DNAAF5: variants seen among roughly 807,000 people sequenced by gnomAD.
The protein encoded by DNAAF5 is dynein axonemal assembly factor 5.
Under a neutral mutation model 75.8 loss-of-function variants are expected in DNAAF5, and 64 were observed. The ratio of observed to expected loss-of-function variants is 0.84; its 90% CI spans 0.69 to 1.04. The LOEUF (loss-of-function observed/expected upper bound fraction) is 1.04. Ranked by LOEUF, DNAAF5 falls within the 50% of genes least tolerant of loss-of-function variation. The pLI is 0.00. For missense variants in DNAAF5, 1,269 were observed against 1,178.5 expected, an observed-to-expected ratio of 1.08 and a Z score of -1.12; for synonymous variants, 657 against 557.2, an observed-to-expected ratio of 1.18 and a Z score of -2.52.
At position 769,016 on chromosome 7, in the gene DNAAF5, G is replaced by A; in HGVS notation, c.1784-1455G>A. On this transcript the variant is annotated intron_variant, in intron 8 of 12. Coordinates refer to ENST00000297440, the MANE Select transcript of DNAAF5 (RefSeq NM_017802.4). ...GCAACGCCTCCTGCCCGGCTGCGTG[G>A]GGAGGCCCTCCAAGACACCAGCTGG... is the stretch of plus-strand genomic sequence containing the variant. The A allele has an allele frequency of 8.1e-6, 5 of 613,578 alleles. No homozygotes were observed. The South Asian group carries it at 9.2e-5, about 11-fold the overall frequency. 38.0% of individuals were successfully genotyped at this position (613,578 alleles called of 1,614,324 possible). A position where few individuals can be genotyped will look rare whatever the true frequency, so the allele number is the denominator to read the frequency against.
In DNAAF5 at chr7:780,236, G is replaced by A. The variant is rs1269975733; in HGVS notation, c.2431+92G>A. The A allele has an allele frequency of 1.2e-5, 15 of 1,243,444 alleles. No individual in the cohort carries two copies. The Admixed American group carries it at 2.1e-4, about 18-fold the overall frequency. The allele number at this position is 1,243,444 out of a possible 1,614,324, so 77.0% of individuals were successfully genotyped here. ...GCTGAGCCGTGTGACCGGCCACAGG[G>A]CCCTGGGGCACAGGAGGGGCCTCAG... On this transcript the variant is annotated intron_variant, in intron 12 of 12. Coordinates refer to ENST00000297440, the MANE Select transcript of DNAAF5 (RefSeq NM_017802.4).
chr7:750,645 C>T (rs2128076726), intron 4 of DNAAF5, among the ~76,000 whole-genome samples: 1 of 152,304 alleles, frequency 6.6e-6, no homozygotes. Context: ...GGCGGTCACA[C>T]TCCTTCACCA....
chr7:755,345 C>T (rs750262855), intron 5 of DNAAF5, among the ~76,000 whole-genome samples: 1 of 152,146 alleles, frequency 6.6e-6, no homozygotes, highest in African/African-American at 2.4e-5. Flanking sequence ...TGGGTACGCA[C>T]GAGGGAGTCC....
rs766203309 is a variant in DNAAF5 at position 770,615 on chromosome 7, A to C, written c.1928A>C (p.Gln643Pro). 1.2e-6 allele frequency: 2 copies of C among 1,613,356 alleles called. No individual in the cohort carries two copies. The highest frequency in any genetic ancestry group is 1.7e-6 in the Non-Finnish European group (2 of 1,179,876). ...LLRATDTINS[Q>P]GQFPSYLETV... ...AGAGCCACGGACACCATCAACTCCC[A>C]GGGGTAGGTCCGGGCTCTGCCTCTG... The change falls in exon 9 of 13, where the codon CAG becomes CCG. Residue 643 changes from glutamine (Q) to proline (P), a missense_variant. Coordinates refer to ENST00000297440, the MANE Select transcript of DNAAF5 (RefSeq NM_017802.4).
chr7:783,227 G>T (rs1404933692), intron 12 of DNAAF5, among the ~76,000 whole-genome samples: 5 of 152,362 alleles, frequency 3.3e-5, no homozygotes, highest in Non-Finnish European at 1.5e-5. Context: ...CCTGGGAAAA[G>T]CAGCTCTGCT....
chr7:744,540 A>G (rs1782022398), intron 4 of DNAAF5, among the ~76,000 whole-genome samples: 1 of 152,110 alleles, frequency 6.6e-6, no homozygotes, highest in South Asian at 2.1e-4. Context: ...GCAGCCAAAA[A>G]ACACATGAAA....
intron 12 of DNAAF5, among the ~76,000 whole-genome samples, chr7:782,502 G>A (rs112749632): frequency 7.2e-5 from 3 of 41,760 alleles, no homozygotes; most frequent in Non-Finnish European, 1.4e-4. Context: ...GCGTGGCCGC[G>A]TCCCGTCACG....
In DNAAF5 at chr7:761,859, T is replaced by C. The variant is rs148789235; in HGVS notation, c.1577T>C (p.Ile526Thr). The C allele has an allele frequency of 2.5e-6, 4 of 1,591,228 alleles. No homozygotes were observed. The highest frequency in any genetic ancestry group is 2.7e-5 in the African/African-American group (2 of 74,300). ...SLQLLDVLLTIVALAGATGLR... is the reference protein window; with the variant it reads ...SLQLLDVLLTTVALAGATGLR... ...CAGCTCTTGGACGTGCTGCTGACAA[T>C]AGTGGCCCTCGCAGGTGCTACCGGC... Residue 526 changes from isoleucine to threonine, a missense_variant, in exon 7 of 13, where the codon ATA (isoleucine) becomes ACA (threonine). Transcript: ENST00000297440.
rs559121364 is a variant in DNAAF5, at chr7:736,574, A to C, written c.781-4245A>C. ...GGAATATCTTTTTTCGCATCCCTTT[A>C]TTTTCAGCCTACGTGTGCCTTTTTA... On this transcript the variant is annotated intron_variant, in intron 2 of 12. Transcript: ENST00000297440. Among the ~76,000 whole-genome samples the C allele has an allele frequency of 2.6e-5, 4 of 151,622 alleles. No individual in the cohort carries two copies. In the South Asian group the frequency reaches 8.4e-4, roughly 32 times the overall value.
In DNAAF5 at chr7:726,812, T is replaced by C. The variant is rs1245538197; in HGVS notation, c.92T>C (p.Leu31Pro). The change falls in exon 1 of 13, where the codon CTG (leucine) becomes CCG (proline). Residue 31 changes from leucine to proline, a missense_variant. Physicochemically the swap from Leu to Pro is moderately conservative, Grantham distance 98. Coordinates refer to ENST00000297440, the MANE Select transcript of DNAAF5 (RefSeq NM_017802.4). ...GAGGCGGTGGAGCTGAGCCGCGCCC[T>C]GAGCCGCCTGCTGCCGGGGCTGGAG... is the stretch of plus-strand genomic sequence containing the variant. The part of the protein sequence containing the change: ...TAEAVELSRA[L>P]SRLLPGLEAD... The C allele has an allele frequency of 7.6e-7, 1 of 1,322,382 alleles. No homozygotes were observed. Among genetic ancestry groups the C allele is most frequent in the Non-Finnish European group, 9.6e-7 (1 of 1,039,456 alleles). 81.9% of individuals were successfully genotyped at this position (1,322,382 alleles called of 1,614,324 possible). A position where few individuals can be genotyped will look rare whatever the true frequency, so the allele number is the denominator to read the frequency against.
rs970383883 is a variant in DNAAF5 at position 770,631 on chromosome 7, T to C, written c.1931+13T>C. ...TCAACTCCCAGGGGTAGGTCCGGGC[T>C]CTGCCTCTGCACGGCCCCCAGCTGG... On this transcript the variant is annotated intron_variant, in intron 9 of 12. Coordinates refer to ENST00000297440, the MANE Select transcript of DNAAF5 (RefSeq NM_017802.4). The C allele has an allele frequency of 6.2e-7, 1 of 1,611,212 alleles. No individual in the cohort carries two copies. The highest frequency in any genetic ancestry group is 8.5e-7 in the Non-Finnish European group (1 of 1,178,886).
At chr7:747,560 A>G (rs1375810553) in intron 4 of DNAAF5, among the ~76,000 whole-genome samples, 183 of 93,960 alleles carry the variant, frequency 1.9e-3, no homozygotes, top group East Asian at 3.4e-3. Context: ...TTTTTAGTGT[A>G]TCCAGCTGGT....
In DNAAF5 at chr7:754,932, TCACCCCCGGGCCGCAGGCCCTCCCCA is replaced by T. The variant is rs1046641804; in HGVS notation, c.1257+117_1257+142del. The T allele has an allele frequency of 4.9e-5, 40 of 817,230 alleles. No individual in the cohort carries two copies. Among genetic ancestry groups the T allele is most frequent in the Non-Finnish European group, 6.8e-5 (36 of 530,206 alleles). The allele number at this position is 817,230 out of a possible 1,614,324, so 50.6% of individuals were successfully genotyped here. A position where few individuals can be genotyped will look rare whatever the true frequency, so the allele number is the denominator to read the frequency against. ...TACTGTAGCCAAGACAGCGTTCCCC[TCACCCCCGGGCCGCAGGCCCTCCCCA>T]CACCCAGCCCCTGGGAACAACTGAT... On this transcript the variant is annotated intron_variant, in intron 5 of 12. Coordinates refer to ENST00000297440, the MANE Select transcript of DNAAF5 (RefSeq NM_017802.4). This position sits in a 1 kb window ranked among gnomAD's most constrained non-coding sequence, Gnocchi z 4.8.
chr7:765,311 G>A lies in DNAAF5; in HGVS notation c.1783+1337G>A, dbSNP rs186791370. On this transcript the variant is annotated intron_variant, in intron 8 of 12. Coordinates refer to ENST00000297440, the MANE Select transcript of DNAAF5 (RefSeq NM_017802.4). ...GAGCACAGAGAACTCCCGAGGCAGCGACTCCAGAGCCTCCCTCAGCCCCTC... is the reference window on the plus strand; with the variant it reads ...GAGCACAGAGAACTCCCGAGGCAGCAACTCCAGAGCCTCCCTCAGCCCCTC... 8.8e-4 allele frequency among the ~76,000 whole-genome samples: 134 copies of A among 152,268 alleles called. 1 individual carries two copies. Among genetic ancestry groups the A allele is most frequent in the Admixed American group, 7.3e-3 (112 of 15,292 alleles).
At chr7:765,022 G>A (rs1562392594) in intron 8 of DNAAF5, among the ~76,000 whole-genome samples, 2 of 152,236 alleles carry the variant, frequency 1.3e-5, no homozygotes, top group Non-Finnish European at 2.9e-5. Flanking sequence ...TCAGGAAGCT[G>A]AAGCGGGAGG....
rs546247047 is a variant in DNAAF5, at chr7:754,534, G to A, written c.1025-55G>A. On this transcript the variant is annotated intron_variant, in intron 4 of 12. Coordinates refer to ENST00000297440, the MANE Select transcript of DNAAF5 (RefSeq NM_017802.4). This position sits in a 1 kb window ranked among gnomAD's most constrained non-coding sequence, Gnocchi z 4.8. Reference sequence around the variant, plus strand: ...TTAAATGTGATGTGCGGTAACTTGAGTTGTTGAGGTTTTGCTTGTGAATTT... The same window carrying A: ...TTAAATGTGATGTGCGGTAACTTGAATTGTTGAGGTTTTGCTTGTGAATTT... 10 of 1,446,894 alleles carry A rather than the reference G, an allele frequency of 6.9e-6. No individual in the cohort carries two copies. Among genetic ancestry groups the A allele is most frequent in the South Asian group, 2.3e-5 (2 of 86,368 alleles). The allele number at this position is 1,446,894 out of a possible 1,614,324, so 89.6% of individuals were successfully genotyped here. A position where few individuals can be genotyped will look rare whatever the true frequency, so the allele number is the denominator to read the frequency against.
chr7:763,912 A>T lies in DNAAF5; in HGVS notation c.1721A>T (p.His574Leu). The T allele has an allele frequency of 6.2e-7, 1 of 1,611,664 alleles. No individual in the cohort carries two copies. Among genetic ancestry groups the T allele is most frequent in the Non-Finnish European group, 8.5e-7 (1 of 1,180,024 alleles). The change falls in exon 8 of 13, where the codon CAC becomes CTC. Residue 574 changes from histidine to leucine, a missense_variant. Physicochemically the swap from His to Leu is moderately conservative, Grantham distance 99 (BLOSUM62 -3). Coordinates refer to ENST00000297440, the MANE Select transcript of DNAAF5 (RefSeq NM_017802.4). ...GPLLERVTAS[H>L]LDWTAHSPEL... is the part of the protein sequence containing the mutation. ...CTCCTGGAGCGGGTGACCGCGTCGCACCTTGACTGGACCGCACACTCGCCG... is the reference window on the plus strand; with the variant it reads ...CTCCTGGAGCGGGTGACCGCGTCGCTCCTTGACTGGACCGCACACTCGCCG...
chr7:735,387 GC>G lies in DNAAF5; in HGVS notation c.781-5431del, dbSNP rs1434648572. Among the ~76,000 whole-genome samples the G allele has an allele frequency of 7.3e-5, 11 of 151,502 alleles. No homozygotes were observed. The East Asian group carries it at 2.1e-3, about 30-fold the overall frequency. On this transcript the variant is annotated intron_variant, in intron 2 of 12. Transcript: ENST00000297440. ...TGCTCATATTGTAGTTGCTCATATT[GC>G]TCATGGTGTTGTTCTTCATGGTGTA...
rs536759068 is a variant in DNAAF5 at position 728,679 on chromosome 7, G to A, written c.596-984G>A. On this transcript the variant is annotated intron_variant, in intron 1 of 12. Transcript: ENST00000297440. The stretch of plus-strand genomic sequence containing the variant: ...GCCCCACGAGCTCCCTCCCTGGACC[G>A]TAGGTTCCACAGGACAGCACTGTGC... Among the ~76,000 whole-genome samples the A allele has an allele frequency of 3.0e-4, 45 of 152,312 alleles. 1 individual carries two copies. The East Asian group carries it at 8.3e-3, about 28-fold the overall frequency.
Sources: gnomAD v4.1 joint callset for allele counts (sites outside exome capture counted in the v4.1 genomes callset) on GRCh38, gnomAD v4.1.1 for gene constraint, Gnocchi (gnomAD v3.1) non-coding constraint, MANE v1.5 for transcripts, NCBI Gene and HGNC (gene_info 2026-07-23, HGNC 2026-07-21) for gene names.